STK10: variants seen among roughly 807,000 people sequenced by gnomAD.
STK10 encodes the protein serine/threonine kinase 10, also known as serine/threonine-protein kinase 10.
A neutral mutation model predicts 113.8 loss-of-function variants in STK10; 78 were observed. That is an observed-to-expected ratio of 0.69 (90% confidence interval 0.57 to 0.83). The LOEUF is 0.83. Ranked by LOEUF, STK10 falls within the 40% of genes least tolerant of loss-of-function variation. The pLI, the probability that STK10 is intolerant of heterozygous loss-of-function variation, is 0.00. For missense variants in STK10, 1,109 were observed against 1,280.1 expected (o/e 0.87, Z 2.04); for synonymous variants, 465 against 494.7 (o/e 0.94, Z 0.80).
chr5:172,056,993 AAG>A (rs59953300), intron 15 of STK10: 5,016 of 51,064 alleles, frequency 0.098, 179 homozygotes, highest in African/African-American at 0.18. Flanking sequence ...GAAAGAAAGA[AAG>A]AGAAAGAAGG....
intron 12 of STK10, among the ~76,000 whole-genome samples, chr5:172,066,770 G>C (rs1768082404): frequency 1.3e-5 from 2 of 152,232 alleles, no homozygotes; most frequent in Non-Finnish European, 2.9e-5. Context: ...CTGAGGGACA[G>C]AGCGAGACTC....
chr5:172,172,450 A>G (rs1471047617), intron 1 of STK10, among the ~76,000 whole-genome samples: 5 of 152,336 alleles, frequency 3.3e-5, no homozygotes, highest in Admixed American at 3.3e-4. Context: ...GGTATCATCC[A>G]GATGTGACGC....
chr5:172,088,657 G>T (rs919025104), intron 10 of STK10, among the ~76,000 whole-genome samples: 2 of 152,088 alleles, frequency 1.3e-5, no homozygotes, highest in Non-Finnish European at 2.9e-5. Context: ...AGGGGACTCC[G>T]TGGCTCCATG....
chr5:172,087,209 G>A (rs1768583465), intron 10 of STK10, among the ~76,000 whole-genome samples: 1 of 151,490 alleles, frequency 6.6e-6, no homozygotes, highest in Non-Finnish European at 1.5e-5. Context: ...GTCTCCTAGA[G>A]GGAGAAGAGA....
intron 4 of STK10, chr5:172,114,993 T>TA (rs143073693): frequency 1.3e-4 from 20 of 152,706 alleles, no homozygotes; most frequent in African/African-American, 4.8e-4. Context: ...CTGCCTCACT[T>TA]ACTTCCCCTC....
intron 9 of STK10, among the ~76,000 whole-genome samples, chr5:172,091,067 T>C (rs1461157440): frequency 6.6e-6 from 1 of 151,476 alleles, no homozygotes. Flanking sequence ...TCAGGGAGGA[T>C]AGTCACACTA....
intron 14 of STK10, among the ~76,000 whole-genome samples, chr5:172,060,228 A>G (rs1201761364): frequency 6.6e-6 from 1 of 152,106 alleles, no homozygotes; most frequent in African/African-American, 2.4e-5. Flanking sequence ...GACAACACAG[A>G]AGACCCCATT....
chr5:172,158,440 C>A (rs1449378407), intron 1 of STK10, among the ~76,000 whole-genome samples: 2 of 152,024 alleles, frequency 1.3e-5, no homozygotes, highest in Admixed American at 1.3e-4. Flanking sequence ...CCAGCCTGGC[C>A]AACATGGTGA....
chr5:172,110,442 C>T (rs761854596), intron 4 of STK10, among the ~76,000 whole-genome samples: 4 of 152,198 alleles, frequency 2.6e-5, no homozygotes, highest in Admixed American at 1.3e-4. Flanking sequence ...AGGCACCTGG[C>T]AAAACCCCCG....
chr5:172,187,842 G>T lies in STK10; in HGVS notation c.156+45C>A. The T allele has an allele frequency of 6.2e-7, 1 of 1,600,526 alleles. No homozygotes were observed. Among genetic ancestry groups the T allele is most frequent in the Non-Finnish European group, 8.5e-7 (1 of 1,174,056 alleles). On this transcript the variant is annotated intron_variant, in intron 1 of 18. Coordinates refer to ENST00000176763, the MANE Select transcript of STK10 (RefSeq NM_005990.4). The surrounding 1 kb of genome is among the most constrained non-coding windows in gnomAD (Gnocchi z 4.6). ...TCCGGCTCAGGCATCCCTTCCTTCC[G>T]GAGCCCCTCGACGCGCGTCCGGCCA...
At chr5:172,085,062 T>C (rs1433035735) in intron 10 of STK10, among the ~76,000 whole-genome samples, 4 of 151,940 alleles carry the variant, frequency 2.6e-5, no homozygotes. Flanking sequence ...CTGGGCCACA[T>C]AGCGAGACCT....
chr5:172,128,242 A>G (rs921716407), intron 2 of STK10, among the ~76,000 whole-genome samples: 65 of 150,584 alleles, frequency 4.3e-4, no homozygotes, highest in Non-Finnish European at 7.7e-4. Context: ...AAAAAAAAAA[A>G]AAAGAAAGGT....
chr5:172,182,065 G>A (rs1402201230), intron 1 of STK10, among the ~76,000 whole-genome samples: 1 of 151,994 alleles, frequency 6.6e-6, no homozygotes, highest in East Asian at 1.9e-4. Flanking sequence ...AGCACTTTGG[G>A]AGGCTGAGGC....
rs1769495793 is a variant in STK10 at position 172,120,827 on chromosome 5, A to G, written c.371-3197T>C. ...GCTCATGTCTAATTTACTGATATAA[A>G]TGAAATAGGAATGACAAAAATACTA... On this transcript the variant is annotated intron_variant, in intron 3 of 18. Transcript: ENST00000176763. This position sits in a 1 kb window ranked among gnomAD's most constrained non-coding sequence, Gnocchi z 4.0. 6.6e-6 allele frequency among the ~76,000 whole-genome samples: 1 copy of G among 152,158 alleles called. No individual in the cohort carries two copies. Among genetic ancestry groups the G allele is most frequent in the African/African-American group, 2.4e-5 (1 of 41,438 alleles).
chr5:172,124,717 A>G (rs1933461100), intron 3 of STK10, among the ~76,000 whole-genome samples: 1 of 152,206 alleles, frequency 6.6e-6, no homozygotes, highest in Non-Finnish European at 1.5e-5. Context: ...CCCAAAGATC[A>G]AAATCCCTAA....
intron 17 of STK10, among the ~76,000 whole-genome samples, chr5:172,053,636 T>C (rs1767680974): frequency 6.6e-6 from 1 of 152,232 alleles, no homozygotes; most frequent in Non-Finnish European, 1.5e-5. Flanking sequence ...TGTTGATTTC[T>C]TGCAGGGAAT....
At position 172,187,619 on chromosome 5, in the gene STK10, G is replaced by A. The variant is rs1368781491; in HGVS notation, c.156+268C>T. Among the ~76,000 whole-genome samples, 2 of 152,256 alleles carry A rather than the reference G, an allele frequency of 1.3e-5. No homozygotes were observed. The highest frequency in any genetic ancestry group is 2.9e-5 in the Non-Finnish European group (2 of 68,046). ...GTCTCCCCGTGCGGCGCCGAGCGCAGTGCAGGACACACAGGAAGTGCTCCG... is the reference window on the plus strand; with the variant it reads ...GTCTCCCCGTGCGGCGCCGAGCGCAATGCAGGACACACAGGAAGTGCTCCG... On this transcript the variant is annotated intron_variant, in intron 1 of 18. Transcript: ENST00000176763. The surrounding 1 kb of genome is among the most constrained non-coding windows in gnomAD (Gnocchi z 4.6).
intron 18 of STK10, among the ~76,000 whole-genome samples, chr5:172,047,450 A>T (rs922098094): frequency 3.9e-5 from 6 of 152,272 alleles, no homozygotes; most frequent in African/African-American, 1.4e-4. Context: ...CTGATTGCAG[A>T]ACCAACCTAT....
At chr5:172,156,901 G>A in intron 1 of STK10, 113 bp from the exon 2 acceptor site, 2 of 1,241,202 alleles carry the variant, frequency 1.6e-6, no homozygotes, top group Non-Finnish European at 2.2e-6. Context: ...ATGTCCAGAT[G>A]CTGAACCGGA....
Sources: allele counts gnomAD v4.1 joint callset (sites outside exome capture counted in the v4.1 genomes callset), GRCh38; gene constraint gnomAD v4.1.1; non-coding constraint Gnocchi (gnomAD v3.1); transcripts MANE v1.5; gene names NCBI Gene and HGNC (gene_info 2026-07-23, HGNC 2026-07-21).